SHANK2: variants seen among roughly 807,000 people sequenced by gnomAD.
The protein encoded by SHANK2 is SH3 and multiple ankyrin repeat domains protein 2.
In SHANK2, 43 loss-of-function variants were observed where a neutral mutation model predicts 133.7. The observed-to-expected ratio is 0.32, with a 90% CI of 0.25 to 0.41. The LOEUF is 0.41. SHANK2 is among the 10% of genes least tolerant of loss of function. The probability of loss-of-function intolerance (pLI) is 1.00; values close to 1 mark genes in which losing one functional copy is unlikely to be tolerated. For missense variants in SHANK2, 1,994 were observed against 2,235.8 expected (o/e 0.89, Z 2.18); for synonymous variants, 1,017 against 952.8 (o/e 1.07, Z -1.24).
At chr11:70,716,523 C>T (rs552410953) in intron 14 of SHANK2, among the ~76,000 whole-genome samples, 2 of 152,278 alleles carry the variant, frequency 1.3e-5, no homozygotes, top group South Asian at 4.1e-4. Context: ...GGACCTTGGC[C>T]AACCGAAGTT....
intron 5 of SHANK2, among the ~76,000 whole-genome samples, chr11:71,111,883 C>T (rs782215525): frequency 7.2e-5 from 11 of 152,090 alleles, no homozygotes; most frequent in Admixed American, 6.5e-4. Context: ...CAGATCTTGC[C>T]GTCTGAATAC....
chr11:70,581,975 C>T (rs1451876007), intron 17 of SHANK2, among the ~76,000 whole-genome samples: 1 of 152,228 alleles, frequency 6.6e-6, no homozygotes, highest in African/African-American at 2.4e-5. Flanking sequence ...CAGCTCTGCC[C>T]CGAGCCTCAT....
chr11:70,602,612 C>G (rs782685107), intron 17 of SHANK2, among the ~76,000 whole-genome samples: 2 of 152,202 alleles, frequency 1.3e-5, no homozygotes, highest in Non-Finnish European at 2.9e-5. Flanking sequence ...CTCTTCTTTT[C>G]GGTAATTATA....
At chr11:71,065,393 A>G (rs1951037127) in intron 9 of SHANK2, among the ~76,000 whole-genome samples, 1 of 94,644 alleles carries the variant, frequency 1.1e-5, no homozygotes, top group African/African-American at 4.2e-5. Flanking sequence ...ATGAGCAGTG[A>G]CTGGGGAAGT....
chr11:71,146,618 A>G (rs1952651157), intron 3 of SHANK2, among the ~76,000 whole-genome samples: 1 of 152,220 alleles, frequency 6.6e-6, no homozygotes, highest in African/African-American at 2.4e-5. Context: ...GGAGGCGGAC[A>G]GCAGCCACGC....
intron 17 of SHANK2, among the ~76,000 whole-genome samples, chr11:70,656,674 C>A (rs944333793): frequency 6.6e-6 from 1 of 152,082 alleles, no homozygotes; most frequent in Non-Finnish European, 1.5e-5. Context: ...TGTCCCTACC[C>A]GTGGGACATT....
intron 15 of SHANK2, 184 bp from the exon 16 acceptor site, chr11:70,661,862 AC>A (rs1434255122): frequency 7.1e-6 from 11 of 1,551,576 alleles, no homozygotes; most frequent in African/African-American, 1.4e-5. Flanking sequence ...GGGGGTGGCT[AC>A]CGGGATAGGC....
chr11:70,809,231 G>T (rs1555052703), intron 12 of SHANK2, among the ~76,000 whole-genome samples: 1 of 152,246 alleles, frequency 6.6e-6, no homozygotes, highest in African/African-American at 2.4e-5. Context: ...GCGCCTGGCT[G>T]CAGGGAAGCG....
intron 6 of SHANK2, among the ~76,000 whole-genome samples, chr11:71,102,083 C>T (rs1351278266): frequency 6.6e-6 from 1 of 152,086 alleles, no homozygotes. Flanking sequence ...TTTTGTGGTG[C>T]CTGAGGCTTC....
chr11:70,580,587 G>A (rs781905513), intron 17 of SHANK2, among the ~76,000 whole-genome samples: 1 of 152,214 alleles, frequency 6.6e-6, no homozygotes, highest in Non-Finnish European at 1.5e-5. Context: ...GGCACCCACG[G>A]GGGCTCAAGA....
At chr11:70,684,196 C>T (rs1200672097) in intron 15 of SHANK2, among the ~76,000 whole-genome samples, 1 of 152,154 alleles carries the variant, frequency 6.6e-6, no homozygotes, top group Non-Finnish European at 1.5e-5. Context: ...TCTTCACTGT[C>T]CCCGTCCCCC....
chr11:71,241,403 C>T (rs1330799479), intron 1 of SHANK2, among the ~76,000 whole-genome samples: 3 of 152,116 alleles, frequency 2.0e-5, no homozygotes, highest in East Asian at 3.9e-4. Flanking sequence ...GCCCCGCTTC[C>T]CCTGCCCCAC....
chr11:70,896,821 G>C (rs1009910216), intron 10 of SHANK2, among the ~76,000 whole-genome samples: 2 of 152,176 alleles, frequency 1.3e-5, no homozygotes, highest in Non-Finnish European at 1.5e-5. Context: ...CTGTCCAGAA[G>C]GCATGTGGGG....
chr11:70,839,242 A>G (rs1395700872), intron 11 of SHANK2, among the ~76,000 whole-genome samples: 1 of 152,252 alleles, frequency 6.6e-6, no homozygotes, highest in Admixed American at 6.5e-5. Context: ...GGACAATGGT[A>G]AAACATGTGG....
intron 14 of SHANK2, 85 bp downstream of exon 14, chr11:70,798,358 C>T (rs551166638): frequency 8.1e-5 from 57 of 701,220 alleles, no homozygotes; most frequent in South Asian, 3.6e-4. Context: ...ACGCAACGGC[C>T]GAATCTTGCC....
intron 2 of SHANK2, among the ~76,000 whole-genome samples, chr11:71,196,116 G>T (rs1555116166): frequency 6.6e-6 from 1 of 152,082 alleles, no homozygotes; most frequent in South Asian, 2.1e-4. Flanking sequence ...CCAGGAGTTT[G>T]AGTCTGCGGC....
At chr11:70,697,476 C>A (rs1343627868) in intron 15 of SHANK2, among the ~76,000 whole-genome samples, 1 of 152,078 alleles carries the variant, frequency 6.6e-6, no homozygotes, top group East Asian at 1.9e-4. Context: ...TGGGTGGGTG[C>A]GAGGGGCAAT....
chr11:70,590,119 G>A (rs551618674), intron 17 of SHANK2, among the ~76,000 whole-genome samples: 6 of 152,252 alleles, frequency 3.9e-5, no homozygotes, highest in East Asian at 1.9e-4. Context: ...CAGAGATTGC[G>A]TCACTGCACT....
intron 17 of SHANK2, among the ~76,000 whole-genome samples, chr11:70,624,786 G>A (rs959025231): frequency 6.6e-6 from 1 of 152,172 alleles, no homozygotes; most frequent in African/African-American, 2.4e-5. Flanking sequence ...TGCTAGAAAC[G>A]TCCCCGGTGT....
Sources: allele counts gnomAD v4.1 joint callset (sites outside exome capture counted in the v4.1 genomes callset), GRCh38; gene constraint gnomAD v4.1.1; transcripts MANE v1.5; gene names NCBI Gene and HGNC (gene_info 2026-07-23, HGNC 2026-07-21).